The following FNBP1 variants were observed in gnomAD, a reference collection of about 807,000 sequenced individuals.
FNBP1 encodes formin binding protein 1.
FNBP1 carries 26 observed loss-of-function variants against 90.6 expected under a neutral mutation model. The ratio of observed to expected loss-of-function variants is 0.29; its 90% confidence interval spans 0.21 to 0.40. The LOEUF is 0.40. Among genes scored for constraint, FNBP1 ranks in the 10% least tolerant of loss-of-function variants. The pLI is 1.00. For synonymous variants in FNBP1, 260 were observed against 265.2 expected (o/e 0.98, Z 0.19); for missense variants, 635 against 768.0 (o/e 0.83, Z 2.05).
intron 6 of FNBP1, among the ~76,000 whole-genome samples, chr9:129,952,582 A>T (rs763176702): frequency 6.6e-6 from 1 of 152,220 alleles, no homozygotes; most frequent in Non-Finnish European, 1.5e-5. Flanking sequence ...AGAAAAGTAT[A>T]AAGTCAAAGT....
At chr9:129,995,117 A>G (rs956181773) in intron 1 of FNBP1, among the ~76,000 whole-genome samples, 159 bp from the exon 2 acceptor site, 1 of 152,244 alleles carries the variant, frequency 6.6e-6, no homozygotes, top group Non-Finnish European at 1.5e-5. Context: ...TTTTAAATCA[A>G]CATTACCAAA....
chr9:129,966,009 T>C lies in FNBP1; in HGVS notation c.346-7456A>G, dbSNP rs768305485. Among the ~76,000 whole-genome samples the C allele has an allele frequency of 1.7e-4, 26 of 152,170 alleles. No individual in the cohort carries two copies. The highest frequency in any genetic ancestry group is 3.5e-4 in the Non-Finnish European group (24 of 68,024). On this transcript the variant is annotated intron_variant, in intron 4 of 16. Coordinates refer to ENST00000446176, the MANE Select transcript of FNBP1 (RefSeq NM_015033.3). This position sits in a 1 kb window ranked among gnomAD's most constrained non-coding sequence, Gnocchi z 4.3. Reference sequence around the variant, plus strand: ...ATAGAGTGCCAGGGTGATCATCCCATGCTCACTGACATGCCCACTTGTGAA... The same window carrying C: ...ATAGAGTGCCAGGGTGATCATCCCACGCTCACTGACATGCCCACTTGTGAA...
At chr9:129,949,556 T>C (rs762335561) in intron 6 of FNBP1, among the ~76,000 whole-genome samples, 2 of 152,100 alleles carry the variant, frequency 1.3e-5, no homozygotes, top group Non-Finnish European at 2.9e-5. Flanking sequence ...TGTGGATGAA[T>C]GGAGGTGATT....
chr9:129,905,312 A>ATATATATATATATT (rs1327228641), intron 12 of FNBP1, among the ~76,000 whole-genome samples: 6 of 146,374 alleles, frequency 4.1e-5, no homozygotes, highest in South Asian at 2.1e-4. Context: ...ATATATATAT[A>ATATATATATATATT]TTTTGTTAAT....
intron 6 of FNBP1, among the ~76,000 whole-genome samples, chr9:129,944,922 CA>C (rs1216023535): frequency 2.0e-5 from 3 of 152,150 alleles, no homozygotes; most frequent in South Asian, 4.1e-4. Context: ...ACTTACCATA[CA>C]AAAGCCTTTA....
At chr9:130,018,508 T>G (rs1201843882) in intron 1 of FNBP1, among the ~76,000 whole-genome samples, 1 of 152,178 alleles carries the variant, frequency 6.6e-6, no homozygotes, top group Admixed American at 6.6e-5. Flanking sequence ...AATAAAAGAC[T>G]TGGTGTGACC....
chr9:130,034,206 G>A (rs1465788432), intron 1 of FNBP1, among the ~76,000 whole-genome samples: 4 of 151,788 alleles, frequency 2.6e-5, no homozygotes, highest in Non-Finnish European at 5.9e-5. Context: ...CCAGCTACTC[G>A]GGAGGTTGAA....
At chr9:130,002,844 C>CA in intron 1 of FNBP1, among the ~76,000 whole-genome samples, 1 of 152,112 alleles carries the variant, frequency 6.6e-6, no homozygotes, top group East Asian at 1.9e-4. Context: ...CTGAACCACT[C>CA]ACCCAACATC....
intron 1 of FNBP1, among the ~76,000 whole-genome samples, chr9:130,023,723 C>A (rs755612742): frequency 2.0e-5 from 3 of 152,100 alleles, no homozygotes; most frequent in Non-Finnish European, 2.9e-5. Context: ...CAACAGTACC[C>A]TCTCGGTGAT....
chr9:129,979,263 T>C, intron 3 of FNBP1, 55 bp downstream of exon 3: 1 of 990,008 alleles, frequency 1.0e-6, no homozygotes, highest in South Asian at 1.4e-5. Context: ...CCTTTCCGTG[T>C]GTAGTCATCA....
intron 1 of FNBP1, among the ~76,000 whole-genome samples, chr9:130,000,772 A>C (rs1035809603): frequency 1.3e-5 from 2 of 152,172 alleles, no homozygotes; most frequent in Non-Finnish European, 2.9e-5. Flanking sequence ...TGACAGGCTC[A>C]CTTCATTTAT....
At chr9:129,918,482 T>C (rs1052560170) in intron 10 of FNBP1, among the ~76,000 whole-genome samples, 1 of 152,198 alleles carries the variant, frequency 6.6e-6, no homozygotes, top group African/African-American at 2.4e-5. Flanking sequence ...CAAGCGTCAA[T>C]AACACATGGG....
intron 1 of FNBP1, among the ~76,000 whole-genome samples, chr9:129,999,877 T>G (rs2054576405): frequency 6.6e-6 from 1 of 152,178 alleles, no homozygotes; most frequent in Non-Finnish European, 1.5e-5. Context: ...TGGATTATCA[T>G]AGAGACTTCT....
chr9:129,979,207 CAAAAT>C, intron 3 of FNBP1, 106 bp downstream of exon 3: 1 of 622,908 alleles, frequency 1.6e-6, no homozygotes, highest in Non-Finnish European at 2.8e-6. Flanking sequence ...AAAACTGACA[CAAAAT>C]GAATGGGAAA....
At chr9:129,918,983 T>C (rs534918904) in intron 10 of FNBP1, 6 of 209,220 alleles carry the variant, frequency 2.9e-5, no homozygotes, top group South Asian at 1.2e-4. Flanking sequence ...GTTGAATTTA[T>C]ACAATTAGGC....
At chr9:129,894,405 C>T (rs577155992) in intron 16 of FNBP1, among the ~76,000 whole-genome samples, 1 of 152,110 alleles carries the variant, frequency 6.6e-6, no homozygotes, top group African/African-American at 2.4e-5. Flanking sequence ...ATTCTGGCTA[C>T]AGTTAATTGT....
rs2053504665 is a variant in FNBP1 at position 129,993,353 on chromosome 9, T to A, written c.140+1490A>T. On this transcript the variant is annotated intron_variant, in intron 2 of 16. Transcript: ENST00000446176. ...CTACAACTATACAACATGAAATCAT[T>A]AAGGACTTTGCATGCCACTTCAAGT... is the stretch of plus-strand genomic sequence containing the variant. 2.6e-5 allele frequency among the ~76,000 whole-genome samples: 4 copies of A among 151,932 alleles called. No individual in the cohort carries two copies. The South Asian group carries it at 8.3e-4, about 31-fold the overall frequency.
At chr9:129,977,791 T>TGATA (rs1195078758) in intron 4 of FNBP1, among the ~76,000 whole-genome samples, 2 of 152,068 alleles carry the variant, frequency 1.3e-5, no homozygotes, top group African/African-American at 4.8e-5. Flanking sequence ...CATGCCCGAC[T>TGATA]GATAAGTACT....
At chr9:130,001,489 T>C (rs958829599) in intron 1 of FNBP1, among the ~76,000 whole-genome samples, 2 of 152,176 alleles carry the variant, frequency 1.3e-5, no homozygotes, top group South Asian at 2.1e-4. Context: ...CTTAATAAAA[T>C]AGTTTTGACC....
Sources: allele counts gnomAD v4.1 joint callset (sites outside exome capture counted in the v4.1 genomes callset), GRCh38; gene constraint gnomAD v4.1.1; non-coding constraint Gnocchi (gnomAD v3.1); transcripts MANE v1.5; gene names NCBI Gene and HGNC (gene_info 2026-07-23, HGNC 2026-07-21).